ARHGAP8: variants seen among roughly 807,000 people sequenced by gnomAD.
The protein encoded by ARHGAP8 is Rho GTPase activating protein 8, also known as rho GTPase-activating protein 8.
A neutral mutation model predicts 46.1 loss-of-function variants in ARHGAP8; 62 were observed. The observed-to-expected ratio is 1.34, with a 90% CI of 1.10 to 1.66. The LOEUF (loss-of-function observed/expected upper bound fraction) is 1.66. Among genes scored for constraint, ARHGAP8 ranks in the 40% most tolerant of loss-of-function variants. ARHGAP8 has a pLI of 0.00. For synonymous variants in ARHGAP8, 375 were observed against 243.1 expected, an observed-to-expected ratio of 1.54 and a Z score of -5.05; for missense variants, 923 against 568.4, an observed-to-expected ratio of 1.62 and a Z score of -6.34.
At chr22:44,781,387 A>G (rs946097614) in intron 1 of ARHGAP8, among the ~76,000 whole-genome samples, 1 of 152,122 alleles carries the variant, frequency 6.6e-6, no homozygotes, top group Non-Finnish European at 1.5e-5. Flanking sequence ...AGATTGCAGT[A>G]TGAGGTTCAA....
At chr22:44,830,523 ATTTTC>A (rs551017349) in intron 7 of ARHGAP8, among the ~76,000 whole-genome samples, 1,837 of 145,740 alleles carry the variant, frequency 0.013, 39 homozygotes, top group African/African-American at 0.045. Flanking sequence ...TTTATTTTTT[ATTTTC>A]TTTTATTTAT....
intron 7 of ARHGAP8, among the ~76,000 whole-genome samples, chr22:44,826,059 C>A (rs1422249687): frequency 6.6e-6 from 1 of 152,104 alleles, no homozygotes; most frequent in Non-Finnish European, 1.5e-5. Flanking sequence ...TACACAGACA[C>A]TTCCCACCAC....
At chr22:44,832,184 A>AT (rs1020901954) in intron 7 of ARHGAP8, among the ~76,000 whole-genome samples, 252 of 113,716 alleles carry the variant, frequency 2.2e-3, no homozygotes, top group African/African-American at 6.5e-3. Flanking sequence ...TTTTTGTTAA[A>AT]TTTTTTTTTT....
chr22:44,853,615 A>G (rs1429177436), intron 10 of ARHGAP8, among the ~76,000 whole-genome samples: 1 of 152,246 alleles, frequency 6.6e-6, no homozygotes, highest in Admixed American at 6.5e-5. Flanking sequence ...ACATAAGGGC[A>G]GCAAGAATGG....
chr22:44,809,335 A>G (rs1217049275), intron 4 of ARHGAP8: 1 of 391,488 alleles, frequency 2.6e-6, no homozygotes, highest in Admixed American at 2.9e-5. Context: ...TGCAGCCTGT[A>G]CCAAAGCAGG....
chr22:44,754,863 TC>T (rs1412706412), intron 1 of ARHGAP8, among the ~76,000 whole-genome samples: 2 of 151,910 alleles, frequency 1.3e-5, no homozygotes, highest in Non-Finnish European at 2.9e-5. Context: ...AAAAAACCCA[TC>T]CCATTCCCTG....
intron 5 of ARHGAP8, among the ~76,000 whole-genome samples, chr22:44,816,803 C>CAAAAAAAAAA (rs1183457228): frequency 1.5e-5 from 1 of 66,242 alleles, no homozygotes; most frequent in African/African-American, 5.4e-5. Context: ...GACCCTGTCT[C>CAAAAAAAAAA]AAAAAAAAAA....
chr22:44,828,223 C>T (rs1930673560), intron 7 of ARHGAP8, among the ~76,000 whole-genome samples: 1 of 152,160 alleles, frequency 6.6e-6, no homozygotes. Context: ...CTGGAACACA[C>T]ATTTTACTAC....
chr22:44,802,044 G>C lies in ARHGAP8; in HGVS notation c.80-33G>C, dbSNP rs772886283. 5 of 1,611,246 alleles carry C rather than the reference G, an allele frequency of 3.1e-6. No homozygotes were observed. The African/African-American group carries it at 6.7e-5, about 22-fold the overall frequency. On this transcript the variant is annotated intron_variant, in intron 2 of 11. Coordinates refer to ENST00000356099, the MANE Select transcript of ARHGAP8 (RefSeq NM_181335.3). The stretch of plus-strand genomic sequence containing the variant: ...GCCTGAGGATTTTCTAGGAGAAGGT[G>C]GCACAGAGGCTCACCTGTGTCTGCT...
In ARHGAP8 at chr22:44,780,665, A is replaced by G. The variant is rs183354099; in HGVS notation, c.-71-5792A>G. Among the ~76,000 whole-genome samples, 724 of 151,660 alleles carry G rather than the reference A, an allele frequency of 4.8e-3. 2 individuals carry two copies. The highest frequency in any genetic ancestry group is 9.2e-3 in the Admixed American group (140 of 15,288). ...CAACGGAGCAAGACTCCATCTCAAA[A>G]TAAAATAAAATAGGTATTCAGTGAA... On this transcript the variant is annotated intron_variant, in intron 1 of 11. Coordinates refer to ENST00000356099, the MANE Select transcript of ARHGAP8 (RefSeq NM_181335.3).
At chr22:44,770,264 CA>C (rs891601061) in intron 1 of ARHGAP8, among the ~76,000 whole-genome samples, 59 of 151,426 alleles carry the variant, frequency 3.9e-4, no homozygotes, top group African/African-American at 1.3e-3. Context: ...CAAAAACAAA[CA>C]AAAAAAACAA....
In ARHGAP8 at chr22:44,825,487, G is replaced by A. The variant is rs1444748508; in HGVS notation, c.490G>A (p.Asp164Asn). The change falls in exon 7 of 12, where the codon GAT becomes AAT. Residue 164 changes from aspartate (D) to asparagine (N), a missense_variant. Coordinates refer to ENST00000356099, the MANE Select transcript of ARHGAP8 (RefSeq NM_181335.3). The stretch of plus-strand genomic sequence containing the variant: ...CAGCCTCTGTTGTGTCTACAGGTAC[G>A]ATGAGAAGCTCCAGAGCCTGCACGA... Reference protein sequence around the residue: ...LVIPPEVLRYDEKLQSLHEGR... With the variant: ...LVIPPEVLRYNEKLQSLHEGR... 10 of 1,612,886 alleles carry A rather than the reference G, an allele frequency of 6.2e-6. No individual in the cohort carries two copies. In the Admixed American group the frequency reaches 1.0e-4, roughly 16 times the overall value.
At chr22:44,860,045 C>T (rs1030155500) in intron 11 of ARHGAP8, among the ~76,000 whole-genome samples, 2 of 152,084 alleles carry the variant, frequency 1.3e-5, no homozygotes, top group African/African-American at 4.8e-5. Context: ...ACAGGGCGTA[C>T]CTGCCCCTGC....
At chr22:44,786,215 G>C in intron 1 of ARHGAP8, 3 of 604,216 alleles carry the variant, frequency 5.0e-6, no homozygotes, top group Non-Finnish European at 8.7e-6. Flanking sequence ...GTGCTCGACT[G>C]ATGTAGAGTG....
chr22:44,802,520 C>A (rs185637431), intron 3 of ARHGAP8, among the ~76,000 whole-genome samples: 1 of 152,326 alleles, frequency 6.6e-6, no homozygotes, highest in Admixed American at 6.5e-5. Context: ...CACGCACTGT[C>A]CCTTTGAAAC....
At chr22:44,817,731 C>T (rs1190250158) in intron 5 of ARHGAP8, among the ~76,000 whole-genome samples, 1 of 152,224 alleles carries the variant, frequency 6.6e-6, no homozygotes, top group South Asian at 2.1e-4. Context: ...GGCTTGAACC[C>T]ACGAGGCAGA....
intron 1 of ARHGAP8, among the ~76,000 whole-genome samples, chr22:44,771,480 C>G (rs1925995559): frequency 6.6e-6 from 1 of 151,448 alleles, no homozygotes; most frequent in East Asian, 1.9e-4. Flanking sequence ...CTCCTGACCT[C>G]AGGTGATCCA....
In ARHGAP8 at chr22:44,814,713, C is replaced by G; in HGVS notation, c.341C>G (p.Thr114Ser). 2 of 1,614,020 alleles carry G rather than the reference C, an allele frequency of 1.2e-6. No homozygotes were observed. The highest frequency in any genetic ancestry group is 2.2e-5 in the East Asian group (1 of 44,870). The change falls in exon 5 of 12, where the codon ACC becomes AGC. Residue 114 changes from threonine to serine, a missense_variant. Transcript: ENST00000356099. ...AAGGCCCTCTACGTGGTGCACCCCACCAGCTTCATCAAGGTCCTGTGGAAC... is the reference window on the plus strand; with the variant it reads ...AAGGCCCTCTACGTGGTGCACCCCAGCAGCTTCATCAAGGTCCTGTGGAAC... ...NLKALYVVHP[T>S]SFIKVLWNIL...
At chr22:44,775,702 G>T (rs902728290) in intron 1 of ARHGAP8, among the ~76,000 whole-genome samples, 2 of 151,952 alleles carry the variant, frequency 1.3e-5, no homozygotes, top group Admixed American at 6.6e-5. Flanking sequence ...CACCCACCTC[G>T]GCCTCCCAAA....
Sources: allele counts gnomAD v4.1 joint callset (sites outside exome capture counted in the v4.1 genomes callset), GRCh38; gene constraint gnomAD v4.1.1; transcripts MANE v1.5; gene names NCBI Gene and HGNC (gene_info 2026-07-23, HGNC 2026-07-21).